NYAP2: variants seen among roughly 807,000 people sequenced by gnomAD.
NYAP2 encodes the protein neuronal tyrosine-phosphorylated phosphoinositide-3-kinase adaptor 2.
In NYAP2, 23 loss-of-function variants were observed where a neutral mutation model predicts 50.4. That is an observed-to-expected ratio of 0.46 (90% CI 0.33 to 0.65). NYAP2 has a LOEUF of 0.65. Ranked by LOEUF, NYAP2 falls within the 30% of genes least tolerant of loss-of-function variation. The probability of loss-of-function intolerance (pLI) is 0.02; values close to 1 mark genes in which losing one functional copy is unlikely to be tolerated. For synonymous variants in NYAP2, 394 were observed against 365.2 expected (o/e 1.08, Z -0.90); for missense variants, 885 against 861.0 (o/e 1.03, Z -0.35).
chr2:225,409,138 A>C, intron 3 of NYAP2, 37 bp downstream of exon 3: 1 of 1,448,730 alleles, frequency 6.9e-7, no homozygotes, highest in Non-Finnish European at 9.4e-7. Context: ...TTTTGTGCAC[A>C]TGAGAAAGTC....
intron 6 of NYAP2, among the ~76,000 whole-genome samples, chr2:225,648,687 A>G (rs1435129172): frequency 6.6e-6 from 1 of 152,202 alleles, no homozygotes; most frequent in Non-Finnish European, 1.5e-5. Flanking sequence ...TCTACTATAC[A>G]TAGGAAAAGT....
chr2:225,490,524 T>C (rs998170763), intron 3 of NYAP2, among the ~76,000 whole-genome samples: 1 of 152,200 alleles, frequency 6.6e-6, no homozygotes, highest in Admixed American at 6.5e-5. Context: ...TGACTCTCTT[T>C]ATAAATTAAA....
At chr2:225,652,774 G>A (rs916883289) in exon 7 of NYAP2, 1 of 152,086 alleles carries the variant, frequency 6.6e-6, no homozygotes, top group Non-Finnish European at 1.5e-5. Context: ...TTAAATGTCA[G>A]GCTATTTTAA....
chr2:225,422,815 T>C (rs1040389867), intron 3 of NYAP2, among the ~76,000 whole-genome samples: 3 of 152,156 alleles, frequency 2.0e-5, no homozygotes, highest in African/African-American at 4.8e-5. Context: ...TCCATGAATA[T>C]TTTAATGACA....
chr2:225,568,365 C>T (rs1692000084), intron 4 of NYAP2, among the ~76,000 whole-genome samples: 2 of 152,270 alleles, frequency 1.3e-5, no homozygotes, highest in East Asian at 1.9e-4. Context: ...AGTATTCCTT[C>T]ACTGACCACT....
At chr2:225,654,202 A>G (rs965429986), downstream of NYAP2, among the ~76,000 whole-genome samples, 1 of 152,172 alleles carries the variant, frequency 6.6e-6, no homozygotes, top group African/African-American at 2.4e-5. Flanking sequence ...GAATCTAACA[A>G]TGACTACTCA....
chr2:225,428,505 T>G (rs1392789135), intron 3 of NYAP2, among the ~76,000 whole-genome samples: 1 of 152,254 alleles, frequency 6.6e-6, no homozygotes, highest in Non-Finnish European at 1.5e-5. Context: ...TGTTGTAGCA[T>G]GAAATTGCCC....
rs114855263 is a variant in NYAP2 at position 225,630,710 on chromosome 2, G to A, written c.1828+3584G>A. Among the ~76,000 whole-genome samples, 799 of 152,292 alleles carry A rather than the reference G, an allele frequency of 5.2e-3. 3 individuals carry two copies. Among genetic ancestry groups the A allele is most frequent in the Non-Finnish European group, 7.3e-3 (497 of 68,038 alleles). On this transcript the variant is annotated intron_variant, in intron 6 of 6. Transcript: ENST00000636099. ...TTTAAGTTTATGTGGTGGATATTTGGATATTTTTGTAGTTATTTACTATTT... is the reference window on the plus strand; with the variant it reads ...TTTAAGTTTATGTGGTGGATATTTGAATATTTTTGTAGTTATTTACTATTT...
chr2:225,675,208 G>A, the NYAP2 span, among the ~76,000 whole-genome samples: 1 of 152,014 alleles, frequency 6.6e-6, no homozygotes, highest in Admixed American at 6.6e-5. Flanking sequence ...AATTGCCGAT[G>A]CCGAGGCTTG....
At chr2:225,485,610 G>A (rs1041974358) in intron 3 of NYAP2, among the ~76,000 whole-genome samples, 2 of 152,146 alleles carry the variant, frequency 1.3e-5, no homozygotes, top group African/African-American at 4.8e-5. Context: ...GGTGGGAGGG[G>A]TGTGTGTGAG....
At chr2:225,503,889 C>T (rs1477997871) in intron 3 of NYAP2, among the ~76,000 whole-genome samples, 1 of 151,658 alleles carries the variant, frequency 6.6e-6, no homozygotes, top group Non-Finnish European at 1.5e-5. Context: ...TTTTTATTTA[C>T]TGTCTGGATT....
chr2:225,539,314 A>G (rs943996928), intron 4 of NYAP2, among the ~76,000 whole-genome samples: 6 of 152,226 alleles, frequency 3.9e-5, no homozygotes, highest in African/African-American at 1.4e-4. Flanking sequence ...ATACATGTGC[A>G]TGTGTCTTTA....
intron 6 of NYAP2, among the ~76,000 whole-genome samples, chr2:225,635,724 T>C (rs972199662): frequency 3.3e-5 from 5 of 152,188 alleles, no homozygotes; most frequent in Non-Finnish European, 5.9e-5. Context: ...TTGGGTTGCC[T>C]TGAGTCTGCA....
In NYAP2 at chr2:225,538,783, TTTCTTTCTTTC is replaced by T. The variant is rs750928001; in HGVS notation, c.523+25114_523+25124del. ...TTTTCTTTTCTTTTCTTTTCTTTTC[TTTCTTTCTTTC>T]TTTCTTTCTTTCTTTCTTTCTTTCT... On this transcript the variant is annotated intron_variant, in intron 4 of 6. Transcript: ENST00000636099. Among the ~76,000 whole-genome samples, 140 of 38,684 alleles carry T rather than the reference TTTCTTTCTTTC, an allele frequency of 3.6e-3. 1 individual carries two copies. The highest frequency in any genetic ancestry group is 4.1e-3 in the Non-Finnish European group (76 of 18,454). 25.4% of individuals were successfully genotyped at this position (38,684 alleles called of 152,430 possible).
chr2:225,468,077 G>A (rs971464745), intron 3 of NYAP2, among the ~76,000 whole-genome samples: 4 of 152,168 alleles, frequency 2.6e-5, no homozygotes, highest in Non-Finnish European at 5.9e-5. Context: ...TTAGGGAAAT[G>A]TTTGGATTGA....
chr2:225,535,183 G>A (rs1691325943), intron 4 of NYAP2, among the ~76,000 whole-genome samples: 1 of 152,202 alleles, frequency 6.6e-6, no homozygotes, highest in South Asian at 2.1e-4. Context: ...AGCTTGGCCA[G>A]TGAGATACAG....
the NYAP2 span, among the ~76,000 whole-genome samples, chr2:225,666,505 T>G: frequency 6.6e-6 from 1 of 152,166 alleles, no homozygotes; most frequent in Admixed American, 6.5e-5. Flanking sequence ...TTGGTTTGGT[T>G]CAGAAACGCG....
intron 6 of NYAP2, among the ~76,000 whole-genome samples, chr2:225,641,444 C>T (rs1168593360): frequency 1.3e-5 from 2 of 149,098 alleles, no homozygotes; most frequent in African/African-American, 5.0e-5. Context: ...CACACACACA[C>T]ACACACACAC....
At chr2:225,657,651 G>A (rs62188757), downstream of NYAP2, among the ~76,000 whole-genome samples, 12 of 148,426 alleles carry the variant, frequency 8.1e-5, no homozygotes, top group African/African-American at 2.5e-4. Context: ...ACCGTAAAAT[G>A]TAAGAGTAGA....
Sources: allele counts gnomAD v4.1 joint callset (sites outside exome capture counted in the v4.1 genomes callset), GRCh38; gene constraint gnomAD v4.1.1; transcripts MANE v1.5; gene names NCBI Gene and HGNC (gene_info 2026-07-23, HGNC 2026-07-21).